The following SFMBT2 variants were observed in gnomAD, a reference collection of about 807,000 sequenced individuals.
The protein encoded by SFMBT2 is Scm like with four mbt domains 2, also known as scm-like with four MBT domains protein 2.
Under a neutral mutation model 110.1 loss-of-function variants are expected in SFMBT2, and 38 were observed. The observed-to-expected ratio is 0.35, with a 90% confidence interval of 0.27 to 0.45. SFMBT2 has a LOEUF of 0.45. Ranked by LOEUF, SFMBT2 falls within the 20% of genes least tolerant of loss-of-function variation. The pLI is 1.00. For synonymous variants in SFMBT2, 425 were observed against 425.4 expected (o/e 1.00, Z 0.01); for missense variants, 1,011 against 1,094.9 (o/e 0.92, Z 1.08).
rs571981464 is a variant in SFMBT2 at position 7,164,013 on chromosome 10, G to A, written c.2545-103C>T. On this transcript the variant is annotated intron_variant, in intron 20 of 20. Coordinates refer to ENST00000397167, the MANE Select transcript of SFMBT2 (RefSeq NM_001387889.1). ...CCGGGGCCAAACATGACAACAGGAT[G>A]CTCTTGTTTCATTCAATTCAGGGGA... 31 of 1,446,714 alleles carry A rather than the reference G, an allele frequency of 2.1e-5. 1 individual carries two copies. The South Asian group carries it at 4.7e-4, about 22-fold the overall frequency. 89.6% of individuals were successfully genotyped at this position (1,446,714 alleles called of 1,614,324 possible).
chr10:7,410,653 C>A (rs1281515382), intron 1 of SFMBT2, among the ~76,000 whole-genome samples: 1 of 152,150 alleles, frequency 6.6e-6, no homozygotes, highest in African/African-American at 2.4e-5. Flanking sequence ...TTCTCCTGCC[C>A]TTCTCTTTCG....
chr10:7,319,978 GAC>G (rs1322267718), intron 4 of SFMBT2, among the ~76,000 whole-genome samples: 3 of 151,330 alleles, frequency 2.0e-5, no homozygotes, highest in African/African-American at 7.3e-5. Flanking sequence ...AAGACAGAGA[GAC>G]ACAGAGAGAG....
chr10:7,391,228 A>C (rs987804911), intron 1 of SFMBT2, among the ~76,000 whole-genome samples: 2 of 151,972 alleles, frequency 1.3e-5, no homozygotes, highest in Non-Finnish European at 2.9e-5. Context: ...AGCACTTTGG[A>C]AGCCCAAGGC....
intron 4 of SFMBT2, among the ~76,000 whole-genome samples, chr10:7,333,397 T>G (rs1217948375): frequency 1.3e-5 from 2 of 150,774 alleles, no homozygotes; most frequent in Admixed American, 1.3e-4. Context: ...CTTACCTTTT[T>G]TTTTTTTTTT....
At chr10:7,344,649 C>T (rs950569824) in intron 4 of SFMBT2, among the ~76,000 whole-genome samples, 5 of 152,096 alleles carry the variant, frequency 3.3e-5, no homozygotes, top group South Asian at 2.1e-4. Context: ...TTTGGCTGTT[C>T]TGTCTATAAT....
At chr10:7,372,340 T>C (rs1845085859) in intron 2 of SFMBT2, among the ~76,000 whole-genome samples, 2 of 152,178 alleles carry the variant, frequency 1.3e-5, no homozygotes, top group Admixed American at 1.3e-4. Flanking sequence ...GAAAGGCTAT[T>C]TTAAATTTTG....
At chr10:7,290,965 T>C (rs1814097672) in intron 4 of SFMBT2, among the ~76,000 whole-genome samples, 1 of 152,186 alleles carries the variant, frequency 6.6e-6, no homozygotes, top group African/African-American at 2.4e-5. Context: ...CAAGTGCACA[T>C]CCACATAGAG....
At chr10:7,247,052 A>C (rs933461980) in intron 8 of SFMBT2, among the ~76,000 whole-genome samples, 9 of 152,234 alleles carry the variant, frequency 5.9e-5, no homozygotes, top group Non-Finnish European at 1.0e-4. Flanking sequence ...TCCAGATTAT[A>C]AAGCAAAAGC....
intron 4 of SFMBT2, among the ~76,000 whole-genome samples, chr10:7,316,801 T>C (rs375604114): frequency 2.6e-5 from 4 of 152,236 alleles, no homozygotes; most frequent in East Asian, 1.9e-4. Context: ...AGATCCCCTA[T>C]TGGACTCTCC....
At chr10:7,169,601 C>CT (rs367564514) in intron 20 of SFMBT2, among the ~76,000 whole-genome samples, 2,053 of 151,362 alleles carry the variant, frequency 0.014, 44 homozygotes, top group African/African-American at 0.047. Flanking sequence ...AAAAACAGTA[C>CT]TTTTTTTTTA....
intron 11 of SFMBT2, among the ~76,000 whole-genome samples, chr10:7,210,728 G>A (rs541727009): frequency 3.7e-4 from 57 of 152,354 alleles, no homozygotes; most frequent in South Asian, 2.1e-3. Flanking sequence ...CCCTCTGGGC[G>A]TGTTCCCTTT....
intron 10 of SFMBT2, 30 bp downstream of exon 10, chr10:7,227,825 T>A (rs771955112): frequency 6.3e-7 from 1 of 1,585,068 alleles, no homozygotes; most frequent in Non-Finnish European, 8.6e-7. Flanking sequence ...CTATGATTTT[T>A]AAAAATTAGG....
intron 7 of SFMBT2, among the ~76,000 whole-genome samples, chr10:7,276,247 C>T (rs12243774): frequency 0.035 from 5,398 of 152,206 alleles, 313 homozygotes; most frequent in African/African-American, 0.12. Flanking sequence ...TGAACCACCA[C>T]GAGATGAGTC....
At position 7,172,217 on chromosome 10, in the gene SFMBT2, C is replaced by CCCG. The variant is rs1014118672; in HGVS notation, c.2152-62_2152-60dup. 5 of 1,505,682 alleles carry CCCG rather than the reference C, an allele frequency of 3.3e-6. No homozygotes were observed. The highest frequency in any genetic ancestry group is 1.9e-4 in the Middle Eastern group (1 of 5,162). 93.3% of individuals were successfully genotyped at this position (1,505,682 alleles called of 1,614,324 possible). A position where few individuals can be genotyped will look rare whatever the true frequency, so the allele number is the denominator to read the frequency against. ...TGGCCCGGGGGCCTGTAGCGGTGGC[C>CCCG]CCGCGGTCAGACCCTGGGCCCAGTG... On this transcript the variant is annotated intron_variant, in intron 18 of 20. Coordinates refer to ENST00000397167, the MANE Select transcript of SFMBT2 (RefSeq NM_001387889.1). The surrounding 1 kb of genome is among the most constrained non-coding windows in gnomAD (Gnocchi z 4.6).
chr10:7,177,431 C>A (rs1838100024), intron 16 of SFMBT2, among the ~76,000 whole-genome samples: 2 of 152,182 alleles, frequency 1.3e-5, no homozygotes, highest in South Asian at 4.2e-4. Context: ...ATGGATTGAA[C>A]CATGTCCCTC....
At chr10:7,339,259 GAATA>G (rs1034361278) in intron 4 of SFMBT2, among the ~76,000 whole-genome samples, 4 of 152,014 alleles carry the variant, frequency 2.6e-5, no homozygotes, top group African/African-American at 9.6e-5. Flanking sequence ...ATAAATAAAT[GAATA>G]AATAAATAAA....
At chr10:7,395,204 A>G (rs1364476416) in intron 1 of SFMBT2, among the ~76,000 whole-genome samples, 4 of 152,170 alleles carry the variant, frequency 2.6e-5, no homozygotes, top group African/African-American at 9.7e-5. Flanking sequence ...CTGTAATCCC[A>G]GCTACTCAGG....
chr10:7,371,702 T>G (rs2132059796), intron 2 of SFMBT2, among the ~76,000 whole-genome samples: 1 of 152,306 alleles, frequency 6.6e-6, no homozygotes, highest in African/African-American at 2.4e-5. Context: ...TCCAAAAGTT[T>G]AGATGATCTT....
At position 7,196,217 on chromosome 10, in the gene SFMBT2, C is replaced by G. The variant is rs557782793; in HGVS notation, c.1698+1331G>C. 3.9e-5 allele frequency among the ~76,000 whole-genome samples: 6 copies of G among 152,250 alleles called. No homozygotes were observed. In the East Asian group the frequency reaches 1.2e-3, roughly 29 times the overall value. ...AGAGAAGGCCTTTCACAAGCAGGCC[C>G]CATCCAATTTGCTCCATCCAACCTC... is the stretch of plus-strand genomic sequence containing the variant. On this transcript the variant is annotated intron_variant, in intron 15 of 20. Transcript: ENST00000397167.
Sources: allele counts gnomAD v4.1 joint callset (sites outside exome capture counted in the v4.1 genomes callset), GRCh38; gene constraint gnomAD v4.1.1; non-coding constraint Gnocchi (gnomAD v3.1); transcripts MANE v1.5; gene names NCBI Gene and HGNC (gene_info 2026-07-23, HGNC 2026-07-21).